LNP1: variants seen among roughly 807,000 people sequenced by gnomAD.
LNP1 encodes leukemia NUP98 fusion partner 1.
In LNP1, 12 loss-of-function variants were observed where a neutral mutation model predicts 14.5. That is an observed-to-expected ratio of 0.83 (90% CI 0.53 to 1.34). LNP1 has a LOEUF of 1.34. LNP1 is among the 40% of genes most tolerant of loss of function. The pLI, the probability that LNP1 is intolerant of heterozygous loss-of-function variation, is 0.00. For missense variants in LNP1, 198 were observed against 210.9 expected (o/e 0.94, Z 0.38); for synonymous variants, 75 against 71.4 (o/e 1.05, Z -0.26).
intron 1 of LNP1, among the ~76,000 whole-genome samples, chr3:100,409,311 C>G (rs1197557147): frequency 6.6e-6 from 1 of 151,990 alleles, no homozygotes; most frequent in Non-Finnish European, 1.5e-5. Context: ...CCTTGGTCTC[C>G]AGCTTGTTTA....
At chr3:100,449,842 G>T (rs767899472) in intron 2 of LNP1, among the ~76,000 whole-genome samples, 11 of 152,050 alleles carry the variant, frequency 7.2e-5, no homozygotes, top group Non-Finnish European at 1.5e-4. Flanking sequence ...TATTTCAGAA[G>T]TACCAAGTAT....
intron 1 of LNP1, 85 bp downstream of exon 1, chr3:100,402,524 T>C (rs1166826742): frequency 2.0e-5 from 3 of 152,214 alleles, no homozygotes; most frequent in Admixed American, 6.5e-5. Flanking sequence ...AGCAGTGGAA[T>C]TGAGTTGATC....
At position 100,429,903 on chromosome 3, in the gene LNP1, A is replaced by G. The variant is rs1707227280; in HGVS notation, c.156+18A>G. On this transcript the variant is annotated intron_variant, in intron 2 of 3. Coordinates refer to ENST00000383693, the MANE Select transcript of LNP1 (RefSeq NM_001085451.2). ...CCTGCCCAGTGAGTGATTGTCATGGAACCGGAGGGGAGAGCTGGAATAGGG... is the reference window on the plus strand; with the variant it reads ...CCTGCCCAGTGAGTGATTGTCATGGGACCGGAGGGGAGAGCTGGAATAGGG... 6.2e-7 allele frequency: 1 copy of G among 1,608,946 alleles called. No homozygotes were observed. Among genetic ancestry groups the G allele is most frequent in the Non-Finnish European group, 8.5e-7 (1 of 1,177,982 alleles).
At chr3:100,444,930 C>T (rs1707375002) in intron 2 of LNP1, among the ~76,000 whole-genome samples, 1 of 152,160 alleles carries the variant, frequency 6.6e-6, no homozygotes, top group South Asian at 2.1e-4. Flanking sequence ...GACATAGGGG[C>T]CCATGTGCTG....
At chr3:100,447,503 G>A (rs7429860) in intron 2 of LNP1, among the ~76,000 whole-genome samples, 133,263 of 152,008 alleles carry the variant, frequency 0.88, 59,162 homozygotes, top group Non-Finnish European at 0.96. Flanking sequence ...AATGTAAATG[G>A]TGAGTTGATG....
chr3:100,405,570 T>C (rs1706957653), intron 1 of LNP1, among the ~76,000 whole-genome samples: 1 of 152,212 alleles, frequency 6.6e-6, no homozygotes, highest in South Asian at 2.1e-4. Context: ...GTTTGTGTCC[T>C]CAAATAGTGG....
In LNP1 at chr3:100,436,396, G is replaced by C. The variant is rs147848531; in HGVS notation, c.156+6511G>C. Among the ~76,000 whole-genome samples, 16 of 152,222 alleles carry C rather than the reference G, an allele frequency of 1.1e-4. No homozygotes were observed. In the East Asian group the frequency reaches 3.1e-3, roughly 29 times the overall value. On this transcript the variant is annotated intron_variant, in intron 2 of 3. Coordinates refer to ENST00000383693, the MANE Select transcript of LNP1 (RefSeq NM_001085451.2). ...TTAAGGTTTTTATGGAATCCCCTTG[G>C]TGAAGAGGGGGTCTGTTCAGTTGAT...
chr3:100,440,609 A>G (rs1268127405), intron 2 of LNP1, among the ~76,000 whole-genome samples: 1 of 152,178 alleles, frequency 6.6e-6, no homozygotes, highest in African/African-American at 2.4e-5. Flanking sequence ...TTAAATATTA[A>G]CATTCGTAAC....
intron 1 of LNP1, among the ~76,000 whole-genome samples, chr3:100,405,155 T>C (rs1167747851): frequency 6.6e-6 from 1 of 152,204 alleles, no homozygotes; most frequent in Admixed American, 6.5e-5. Context: ...TTTGAAACCA[T>C]AGACCTTTTT....
In LNP1 at chr3:100,451,807, T is replaced by G. The variant is rs769516760; in HGVS notation, c.245T>G (p.Val82Gly). 7.8e-6 allele frequency: 6 copies of G among 772,262 alleles called. No individual in the cohort carries two copies. In the Admixed American group the frequency reaches 1.2e-4, roughly 15 times the overall value. 47.8% of individuals were successfully genotyped at this position (772,262 alleles called of 1,614,324 possible). The change falls in exon 3 of 4, where the codon GTA becomes GGA. Residue 82 changes from valine (V) to glycine (G), a missense_variant. Physicochemically the swap from Val to Gly is moderately radical, Grantham distance 109. Coordinates refer to ENST00000383693, the MANE Select transcript of LNP1 (RefSeq NM_001085451.2). ...CAAGAATTTCGATGCCGTAGCCACG[T>G]ACGGGATTACAGAAAATACTCAGAG... ...EDQEFRCRSH[V>G]RDYRKYSEDG...
At position 100,453,584 on chromosome 3, in the gene LNP1, C is replaced by CAA. The variant is rs200163849; in HGVS notation, c.387+1649_387+1650dup. 1.4e-4 allele frequency among the ~76,000 whole-genome samples: 13 copies of CAA among 93,406 alleles called. No individual in the cohort carries two copies. In the East Asian group the frequency reaches 1.7e-3, roughly 13 times the overall value. 61.3% of individuals were successfully genotyped at this position (93,406 alleles called of 152,430 possible). A position where few individuals can be genotyped will look rare whatever the true frequency, so the allele number is the denominator to read the frequency against. On this transcript the variant is annotated intron_variant, in intron 3 of 3. Coordinates refer to ENST00000383693, the MANE Select transcript of LNP1 (RefSeq NM_001085451.2). The stretch of plus-strand genomic sequence containing the variant: ...AGCCTGGGCAACAGAGCAAGACTCT[C>CAA]AAAAAAAAAAAAAAAGAATTCCTGT...
intron 2 of LNP1, among the ~76,000 whole-genome samples, chr3:100,431,830 A>G (rs1161933702): frequency 7.8e-6 from 1 of 127,424 alleles, no homozygotes; most frequent in Non-Finnish European, 1.6e-5. Context: ...CCGTCTCTCA[A>G]AAAAAAAAAA....
chr3:100,427,286 C>T (rs1333497178), intron 1 of LNP1, among the ~76,000 whole-genome samples: 1 of 152,074 alleles, frequency 6.6e-6, no homozygotes, highest in African/African-American at 2.4e-5. Context: ...GGCCCTTTCT[C>T]TTCTCATCTA....
chr3:100,452,624 T>C (rs1707470690), intron 3 of LNP1, among the ~76,000 whole-genome samples: 1 of 152,134 alleles, frequency 6.6e-6, no homozygotes, highest in Non-Finnish European at 1.5e-5. Context: ...CTTTCATATT[T>C]AATCCTCTAG....
intron 3 of LNP1, 104 bp from the exon 4 acceptor site, chr3:100,455,673 C>A: frequency 9.1e-7 from 1 of 1,094,460 alleles, no homozygotes; most frequent in Non-Finnish European, 1.4e-6. Context: ...AGGTGGAAGT[C>A]TGCTAAACCA....
chr3:100,450,694 A>T (rs1442070443), intron 2 of LNP1, among the ~76,000 whole-genome samples: 1 of 152,136 alleles, frequency 6.6e-6, no homozygotes, highest in Non-Finnish European at 1.5e-5. Flanking sequence ...TTACTTAGGC[A>T]TGGGTCTCAG....
At chr3:100,434,795 C>T (rs903037968) in intron 2 of LNP1, among the ~76,000 whole-genome samples, 2 of 149,424 alleles carry the variant, frequency 1.3e-5, no homozygotes, top group Admixed American at 6.7e-5. Flanking sequence ...TCCCAAAGTG[C>T]TGTGATTACA....
intron 3 of LNP1, among the ~76,000 whole-genome samples, chr3:100,455,084 C>T (rs141882734): frequency 1.3e-5 from 2 of 152,158 alleles, no homozygotes; most frequent in African/African-American, 4.8e-5. Flanking sequence ...TCCAGTAGGT[C>T]CCTATCACTC....
chr3:100,453,130 C>T (rs1707475826), intron 3 of LNP1, among the ~76,000 whole-genome samples: 1 of 152,164 alleles, frequency 6.6e-6, no homozygotes, highest in Non-Finnish European at 1.5e-5. Context: ...ACCTAGCAGA[C>T]TGGCTGTTGG....
Sources: allele counts gnomAD v4.1 joint callset (sites outside exome capture counted in the v4.1 genomes callset), GRCh38; gene constraint gnomAD v4.1.1; transcripts MANE v1.5; gene names NCBI Gene and HGNC (gene_info 2026-07-23, HGNC 2026-07-21).